Variants in TLN2 observed in about 807,000 individuals in gnomAD.
TLN2 encodes the protein talin-2.
Under a neutral mutation model 294.7 loss-of-function variants are expected in TLN2, and 118 were observed. The ratio of observed to expected loss-of-function variants is 0.40; its 90% CI spans 0.34 to 0.47. The LOEUF (loss-of-function observed/expected upper bound fraction) is 0.47. TLN2 is among the 20% of genes least tolerant of loss of function. TLN2 has a pLI of 0.84. For missense variants in TLN2, 3,083 were observed against 3,282.2 expected (o/e 0.94, Z 1.48); for synonymous variants, 1,431 against 1,304.5 (o/e 1.10, Z -2.09).
chr15:62,720,327 G>A (rs1226920059), intron 25 of TLN2, among the ~76,000 whole-genome samples: 1 of 152,210 alleles, frequency 6.6e-6, no homozygotes, highest in African/African-American at 2.4e-5. Flanking sequence ...AGTATTGTCA[G>A]TCTCTGTGGG....
chr15:62,504,848 A>ATGTGT (rs2039512770), intron 1 of TLN2, among the ~76,000 whole-genome samples: 3 of 110,796 alleles, frequency 2.7e-5, no homozygotes, highest in Non-Finnish European at 6.1e-5. Flanking sequence ...TGTGTGTGTG[A>ATGTGT]GAGAGAGAGA....
At position 62,715,787 on chromosome 15, in the gene TLN2, G is replaced by T. The variant is rs373094833; in HGVS notation, c.2635-544G>T. 2.1e-3 allele frequency among the ~76,000 whole-genome samples: 313 copies of T among 152,226 alleles called. 3 individuals carry two copies. The highest frequency in any genetic ancestry group is 7.1e-3 in the African/African-American group (295 of 41,524). On this transcript the variant is annotated intron_variant, in intron 22 of 58. Coordinates refer to ENST00000636159, the MANE Select transcript of TLN2 (RefSeq NM_015059.3). ...GTCTCTCTAGGAATGTAATTTCTGG[G>T]CATGGTCTTTCTTTAACAAAATTTC...
chr15:62,813,617 G>T (rs1439227299), intron 52 of TLN2, among the ~76,000 whole-genome samples: 1 of 152,158 alleles, frequency 6.6e-6, no homozygotes, highest in Non-Finnish European at 1.5e-5. Context: ...AAGTTCTCCA[G>T]CTCCAAGATT....
chr15:62,795,155 C>T (rs1253602868), intron 46 of TLN2, among the ~76,000 whole-genome samples: 3 of 152,150 alleles, frequency 2.0e-5, no homozygotes, highest in East Asian at 1.9e-4. Flanking sequence ...ATGATACATC[C>T]GTGCTTGGTG....
Position 62,840,490 on chromosome 15 carries a change from C to G in TLN2, c.7509C>G (p.Ala2503=). Residue 2503 remains alanine (A), a synonymous_variant, in exon 59 of 59, where the codon GCC becomes GCG. Coordinates refer to ENST00000636159, the MANE Select transcript of TLN2 (RefSeq NM_015059.3). ...KFVGGIAQII[A]AQEEMLKKER... is the part of the protein sequence containing the mutation. ...TGTTGCTTTCTTTCTAGATCATCGC[C>G]GCCCAGGAAGAAATGCTAAAGAAAG... 4.3e-6 allele frequency: 7 copies of G among 1,614,036 alleles called. No individual in the cohort carries two copies. Among genetic ancestry groups the G allele is most frequent in the Non-Finnish European group, 5.9e-6 (7 of 1,180,004 alleles).
In TLN2 at chr15:62,825,735, T is replaced by A. The variant is rs1240832995; in HGVS notation, c.7002+5125T>A. The stretch of plus-strand genomic sequence containing the variant: ...AAATATAAATATATATAAAAATATA[T>A]TTTTATATATATTAAATATAATTAT... On this transcript the variant is annotated intron_variant, in intron 54 of 58. Coordinates refer to ENST00000636159, the MANE Select transcript of TLN2 (RefSeq NM_015059.3). Among the ~76,000 whole-genome samples, 47 of 109,266 alleles carry A rather than the reference T, an allele frequency of 4.3e-4. 5 individuals are homozygous for A. The highest frequency in any genetic ancestry group is 2.0e-3 in the African/African-American group (42 of 20,922). 71.7% of individuals were successfully genotyped at this position (109,266 alleles called of 152,430 possible).
chr15:62,759,192 C>T (rs993092038), intron 37 of TLN2, among the ~76,000 whole-genome samples: 28 of 152,178 alleles, frequency 1.8e-4, no homozygotes, highest in African/African-American at 6.5e-4. Context: ...ATTCAGTTTA[C>T]TTGAGTGGCT....
At chr15:62,631,802 A>T (rs1196660018) in intron 3 of TLN2, among the ~76,000 whole-genome samples, 4 of 149,752 alleles carry the variant, frequency 2.7e-5, no homozygotes, top group African/African-American at 9.9e-5. Flanking sequence ...AAGCTGTTGA[A>T]TTCCTGGGCT....
At chr15:62,429,125 G>A (rs2034873111) in intron 1 of TLN2, among the ~76,000 whole-genome samples, 1 of 147,684 alleles carries the variant, frequency 6.8e-6, no homozygotes, top group African/African-American at 2.5e-5. Flanking sequence ...CGGGGTTGGC[G>A]GGGGTTGGGG....
intron 1 of TLN2, among the ~76,000 whole-genome samples, chr15:62,564,905 C>CAAA (rs60087745): frequency 5.0e-4 from 56 of 112,810 alleles, no homozygotes; most frequent in African/African-American, 1.7e-3. Context: ...AACTCCATCT[C>CAAA]AAAAAAAAAA....
chr15:62,668,722 C>G (rs181782525), intron 9 of TLN2, among the ~76,000 whole-genome samples: 1 of 152,144 alleles, frequency 6.6e-6, no homozygotes, highest in Non-Finnish European at 1.5e-5. Flanking sequence ...GTAGAATTAT[C>G]TAAAGGGCTT....
rs1270349836 is a variant in TLN2, at chr15:62,711,927, G to C, written c.2484G>C (p.Gln828His). The C allele has an allele frequency of 6.2e-7, 1 of 1,608,888 alleles. No homozygotes were observed. The highest frequency in any genetic ancestry group is 1.1e-5 in the South Asian group (1 of 90,858). ...GTCTTCTAGGTGAAATGGTGCGCCA[G>C]GCGCGGGTTCTGGCCCAAGCCACAT... ...SMGDAGEMVR[Q>H]ARVLAQATSD... Residue 828 changes from glutamine (Q) to histidine (H), a missense_variant, in exon 22 of 59, where the codon CAG becomes CAC. Gln to His is a conservative substitution (Grantham distance 24, BLOSUM62 0). Transcript: ENST00000636159.
intron 55 of TLN2, chr15:62,834,957 G>A (rs2069326609): frequency 6.6e-6 from 1 of 152,214 alleles, no homozygotes; most frequent in African/African-American, 2.4e-5. Context: ...GGTTCAGCCA[G>A]ACTTGGGTGA....
At chr15:62,812,992 G>A (rs902991393) in intron 52 of TLN2, among the ~76,000 whole-genome samples, 3 of 152,192 alleles carry the variant, frequency 2.0e-5, no homozygotes, top group African/African-American at 7.2e-5. Context: ...ACAGGAAGAA[G>A]GGCACTTACT....
chr15:62,614,705 C>G (rs994893115), intron 2 of TLN2, among the ~76,000 whole-genome samples: 12 of 152,290 alleles, frequency 7.9e-5, no homozygotes, highest in African/African-American at 2.4e-4. Context: ...TAACCTAAAA[C>G]ATAGGCATTT....
intron 1 of TLN2, among the ~76,000 whole-genome samples, chr15:62,468,732 T>A (rs925655960): frequency 1.4e-5 from 2 of 141,486 alleles, no homozygotes; most frequent in Non-Finnish European, 3.0e-5. Context: ...GCGACAGAGC[T>A]AGACTCTGTC....
At chr15:62,638,701 G>T in intron 3 of TLN2, 1 of 448,392 alleles carries the variant, frequency 2.2e-6, no homozygotes, top group South Asian at 1.6e-5. Flanking sequence ...GTTCTTGGTG[G>T]AGGGTAGAAA....
chr15:62,777,739 A>G (rs1194304908), intron 43 of TLN2, among the ~76,000 whole-genome samples: 1 of 152,204 alleles, frequency 6.6e-6, no homozygotes, highest in Non-Finnish European at 1.5e-5. Context: ...GCAAAAGCCC[A>G]TAGTAAACTC....
At chr15:62,558,721 G>C (rs1239426874) in intron 1 of TLN2, among the ~76,000 whole-genome samples, 1 of 152,118 alleles carries the variant, frequency 6.6e-6, no homozygotes, top group African/African-American at 2.4e-5. Context: ...CTAAGGAAAA[G>C]GATTTTGAGC....
Sources: gnomAD v4.1 joint callset for allele counts (sites outside exome capture counted in the v4.1 genomes callset) on GRCh38, gnomAD v4.1.1 for gene constraint, MANE v1.5 for transcripts, NCBI Gene and HGNC (gene_info 2026-07-23, HGNC 2026-07-21) for gene names.